TRDMT1: variants seen among roughly 807,000 people sequenced by gnomAD.
TRDMT1 encodes the protein tRNA (cytosine(38)-C(5))-methyltransferase.
TRDMT1 carries 49 observed loss-of-function variants against 51.2 expected under a neutral mutation model. The observed-to-expected ratio is 0.96, with a 90% confidence interval of 0.76 to 1.21. The LOEUF (loss-of-function observed/expected upper bound fraction) is 1.21. Ranked by LOEUF, TRDMT1 falls within the 50% of genes most tolerant of loss-of-function variation. The pLI is 0.00. For missense variants in TRDMT1, 534 were observed against 462.3 expected (o/e 1.16, Z -1.42); for synonymous variants, 187 against 164.6 (o/e 1.14, Z -1.04).
At position 17,138,181 on chromosome 10, in the gene TRDMT1, T is replaced by G. The variant is rs922115368; in HGVS notation, c.*10859A>C. 1.3e-5 allele frequency among the ~76,000 whole-genome samples: 2 copies of G among 152,240 alleles called. No individual in the cohort carries two copies. Among genetic ancestry groups the G allele is most frequent in the Non-Finnish European group, 2.9e-5 (2 of 68,050 alleles). Reference sequence around the variant, plus strand: ...CATGTTATAGCTTCAATCTGGCTTTTGTGCTTTTTTTAGTCCCTTTTCATT... The same window carrying G: ...CATGTTATAGCTTCAATCTGGCTTTGGTGCTTTTTTTAGTCCCTTTTCATT... On this transcript the variant is annotated 3_prime_UTR_variant, in exon 11 of 11. Coordinates refer to ENST00000377799, the MANE Select transcript of TRDMT1 (RefSeq NM_004412.7).
At position 17,143,913 on chromosome 10, in the gene TRDMT1, AATTTG is replaced by A. The variant is rs45554433; in HGVS notation, c.*5122_*5126del. On this transcript the variant is annotated 3_prime_UTR_variant, in exon 11 of 11. Coordinates refer to ENST00000377799, the MANE Select transcript of TRDMT1 (RefSeq NM_004412.7). Reference sequence around the variant, plus strand: ...GTGTGCTTAGGTTGCAAGCATGCTAAATTTGATGCAAATCCGATACAACTTGAATA... The same window carrying A: ...GTGTGCTTAGGTTGCAAGCATGCTAAATGCAAATCCGATACAACTTGAATA... The A allele has an allele frequency of 0.15, 146,542 of 985,202 alleles. 11,026 individuals carry two copies. The highest frequency in any genetic ancestry group is 0.17 in the Admixed American group (2,791 of 16,264). 61.0% of individuals were successfully genotyped at this position (985,202 alleles called of 1,614,324 possible). A position where few individuals can be genotyped will look rare whatever the true frequency, so the allele number is the denominator to read the frequency against.
intron 1 of TRDMT1, among the ~76,000 whole-genome samples, chr10:17,186,931 T>C (rs998262859): frequency 3.9e-5 from 6 of 152,226 alleles, no homozygotes; most frequent in Non-Finnish European, 8.8e-5. Flanking sequence ...ATAATTTATT[T>C]TAATGTTCAT....
chr10:17,161,421 A>G, intron 5 of TRDMT1, 62 bp downstream of exon 5: 5 of 1,201,694 alleles, frequency 4.2e-6, no homozygotes, highest in Non-Finnish European at 5.5e-6. Context: ...TTATTTCACA[A>G]CAGTTCCTAC....
Position 17,138,465 on chromosome 10 carries a change from A to G in TRDMT1, c.*10575T>C, listed in dbSNP as rs2131341510. Among the ~76,000 whole-genome samples the G allele has an allele frequency of 6.6e-6, 1 of 152,340 alleles. No homozygotes were observed. The highest frequency in any genetic ancestry group is 2.4e-5 in the African/African-American group (1 of 41,578). On this transcript the variant is annotated 3_prime_UTR_variant, in exon 11 of 11. Transcript: ENST00000377799. ...ATAAAATAATGATGGAAATCAAGGT[A>G]CATTTAAAACTATTCTTTTGCTCAT...
chr10:17,145,381 A>G lies in TRDMT1; in HGVS notation c.*3659T>C. The G allele has an allele frequency of 1.0e-6, 1 of 985,486 alleles. No individual in the cohort carries two copies. The allele number at this position is 985,486 out of a possible 1,614,324, so 61.0% of individuals were successfully genotyped here. On this transcript the variant is annotated 3_prime_UTR_variant, in exon 11 of 11. Transcript: ENST00000377799. ...GTGCTTGCTAAGAAGCTGATATGAT[A>G]GTTGTATATAGCACATTTGAATGGT...
At chr10:17,160,933 T>C (rs995361681) in intron 5 of TRDMT1, among the ~76,000 whole-genome samples, 3 of 152,182 alleles carry the variant, frequency 2.0e-5, no homozygotes, top group Non-Finnish European at 2.9e-5. Flanking sequence ...TTATCCAAAC[T>C]GATGAAAGTC....
rs1837929685 is a variant in TRDMT1, at chr10:17,144,393, A to G, written c.*4647T>C. On this transcript the variant is annotated 3_prime_UTR_variant, in exon 11 of 11. Transcript: ENST00000377799. ...ATGAAAAAACCCTAGGCTTATTCAG[A>G]AAAGAGTTCTATGGGAGAACTCAGT... The G allele has an allele frequency of 7.1e-6, 7 of 985,492 alleles. No individual in the cohort carries two copies. The highest frequency in any genetic ancestry group is 8.4e-6 in the Non-Finnish European group (7 of 829,894). 61.0% of individuals were successfully genotyped at this position (985,492 alleles called of 1,614,324 possible). A position where few individuals can be genotyped will look rare whatever the true frequency, so the allele number is the denominator to read the frequency against.
In TRDMT1 at chr10:17,160,382, G is replaced by GAAAA; in HGVS notation, c.390-12_390-9dup. On this transcript the variant is annotated splice_polypyrimidine_tract_variant and intron_variant, in intron 5 of 10. Transcript: ENST00000377799. Reference sequence around the variant, plus strand: ...GTTTGTATCAAGAGGTCTCTAAAAAGAAAAAAAAAAAACTTTAATTCTTAC... The same window carrying GAAAA: ...GTTTGTATCAAGAGGTCTCTAAAAAGAAAAAAAAAAAAAAAACTTTAATTCTTAC... The GAAAA allele has an allele frequency of 4.1e-6, 5 of 1,234,132 alleles. No individual in the cohort carries two copies. Among genetic ancestry groups the GAAAA allele is most frequent in the Non-Finnish European group, 3.2e-6 (3 of 928,444 alleles). 76.4% of individuals were successfully genotyped at this position (1,234,132 alleles called of 1,614,324 possible).
rs925031475 is a variant in TRDMT1, at chr10:17,152,034, G to A, written c.1075+1473C>T. On this transcript the variant is annotated intron_variant, in intron 10 of 10. Coordinates refer to ENST00000377799, the MANE Select transcript of TRDMT1 (RefSeq NM_004412.7). The stretch of plus-strand genomic sequence containing the variant: ...AACAAAAAAGCACTGAAGAAAAGCT[G>A]AGGAATTCATTTTAATTGAATAGTT... 7 of 1,301,408 alleles carry A rather than the reference G, an allele frequency of 5.4e-6. No individual in the cohort carries two copies. In the Admixed American group the frequency reaches 6.9e-5, roughly 13 times the overall value. The allele number at this position is 1,301,408 out of a possible 1,614,324, so 80.6% of individuals were successfully genotyped here.
At chr10:17,173,131 A>C (rs555480960) in intron 2 of TRDMT1, among the ~76,000 whole-genome samples, 1 of 152,280 alleles carries the variant, frequency 6.6e-6, no homozygotes, top group African/African-American at 2.4e-5. Context: ...TGGTAAAAAC[A>C]CTTCAAAAAC....
chr10:17,195,628 C>T (rs1000058417), intron 1 of TRDMT1, among the ~76,000 whole-genome samples: 6 of 151,938 alleles, frequency 3.9e-5, no homozygotes, highest in Non-Finnish European at 8.8e-5. Flanking sequence ...TTACCCCTAA[C>T]CCCAAAAAAT....
At chr10:17,201,234 T>C in intron 1 of TRDMT1, 1 of 263,328 alleles carries the variant, frequency 3.8e-6, no homozygotes. Flanking sequence ...GGCTGCACAC[T>C]TAGAATGGGG....
intron 1 of TRDMT1, among the ~76,000 whole-genome samples, chr10:17,184,443 T>C (rs1466952077): frequency 1.3e-5 from 2 of 150,940 alleles, no homozygotes; most frequent in Non-Finnish European, 3.0e-5. Context: ...TAACATATAG[T>C]ATAATATATA....
Position 17,140,037 on chromosome 10 carries a change from C to CCTTT in TRDMT1, c.*9002_*9003insAAAG, listed in dbSNP as rs1554823088. Among the ~76,000 whole-genome samples the CCTTT allele has an allele frequency of 9.1e-5, 2 of 21,914 alleles. No individual in the cohort carries two copies. Among genetic ancestry groups the CCTTT allele is most frequent in the Admixed American group, 5.7e-4 (1 of 1,754 alleles). 14.4% of individuals were successfully genotyped at this position (21,914 alleles called of 152,430 possible). On this transcript the variant is annotated 3_prime_UTR_variant, in exon 11 of 11. Coordinates refer to ENST00000377799, the MANE Select transcript of TRDMT1 (RefSeq NM_004412.7). ...TATTCTTCCAGTAACATCTAGTGTG[C>CCTTT]TTTTTTTTTTTTTTTTTTTTTTTTT...
intron 3 of TRDMT1, among the ~76,000 whole-genome samples, chr10:17,166,482 CACGTTGTGCACATGT>C (rs1305112447): frequency 6.6e-6 from 1 of 152,026 alleles, no homozygotes; most frequent in Non-Finnish European, 1.5e-5. Context: ...AACAAACATG[CACGTTGTGCACATGT>C]ACCCTAAAAC....
In TRDMT1 at chr10:17,141,854, A is replaced by AATT. The variant is rs1329530531; in HGVS notation, c.*7183_*7185dup. On this transcript the variant is annotated 3_prime_UTR_variant, in exon 11 of 11. Transcript: ENST00000377799. ...TTCATGCCAAGACACATCATAATTA[A>AATT]ATTTCTGAAAATAAAGTTAATGTAA... Among the ~76,000 whole-genome samples the AATT allele has an allele frequency of 6.6e-6, 1 of 152,228 alleles. No individual in the cohort carries two copies. Among genetic ancestry groups the AATT allele is most frequent in the Non-Finnish European group, 1.5e-5 (1 of 68,038 alleles).
chr10:17,180,141 C>T (rs948973222), intron 1 of TRDMT1, among the ~76,000 whole-genome samples: 3 of 152,142 alleles, frequency 2.0e-5, no homozygotes, highest in Non-Finnish European at 4.4e-5. Context: ...AAGAGAAATG[C>T]TCTTTTATGG....
At chr10:17,191,498 G>A (rs1234354292) in intron 1 of TRDMT1, among the ~76,000 whole-genome samples, 1 of 152,176 alleles carries the variant, frequency 6.6e-6, no homozygotes, top group Non-Finnish European at 1.5e-5. Context: ...GTGAGGCAGA[G>A]AAGGAGGGAG....
chr10:17,180,970 A>G (rs1346530853), intron 1 of TRDMT1, among the ~76,000 whole-genome samples: 1 of 152,238 alleles, frequency 6.6e-6, no homozygotes, highest in Admixed American at 6.5e-5. Flanking sequence ...AATATGTTTT[A>G]CTAATGACTC....
Sources: allele counts gnomAD v4.1 joint callset (sites outside exome capture counted in the v4.1 genomes callset), GRCh38; gene constraint gnomAD v4.1.1; transcripts MANE v1.5; gene names NCBI Gene and HGNC (gene_info 2026-07-23, HGNC 2026-07-21).